MCCC1: variants seen among roughly 807,000 people sequenced by gnomAD.
MCCC1 encodes methylcrotonoyl-CoA carboxylase subunit alpha, mitochondrial.
MCCC1 carries 64 observed loss-of-function variants against 83.8 expected under a neutral mutation model. The ratio of observed to expected loss-of-function variants is 0.76; its 90% confidence interval spans 0.62 to 0.94. MCCC1 has a LOEUF of 0.94. MCCC1 is among the 40% of genes least tolerant of loss of function. The pLI, the probability that MCCC1 is intolerant of heterozygous loss-of-function variation, is 0.00. For missense variants in MCCC1, 807 were observed against 904.7 expected, an observed-to-expected ratio of 0.89 and a Z score of 1.39; for synonymous variants, 322 against 315.4, an observed-to-expected ratio of 1.02 and a Z score of -0.22.
chr3:183,041,479 G>A, intron 11 of MCCC1, 88 bp downstream of exon 11: 2 of 1,379,572 alleles, frequency 1.4e-6, no homozygotes, highest in Non-Finnish European at 2.1e-6. Flanking sequence ...AGACAGTTCT[G>A]TAAGACTCAG....
At chr3:183,108,591 A>G (rs1719443160) in intron 1 of MCCC1, among the ~76,000 whole-genome samples, 1 of 152,244 alleles carries the variant, frequency 6.6e-6, no homozygotes, top group African/African-American at 2.4e-5. Context: ...TACAAGAAAC[A>G]GACATGACTT....
intron 18 of MCCC1, among the ~76,000 whole-genome samples, chr3:183,016,677 T>C (rs1711661692): frequency 6.6e-6 from 1 of 152,206 alleles, no homozygotes; most frequent in Non-Finnish European, 1.5e-5. Context: ...CAATGTAAGC[T>C]GAGGAGCATA....
chr3:183,112,222 A>C (rs1321498542), intron 1 of MCCC1, among the ~76,000 whole-genome samples: 1 of 152,208 alleles, frequency 6.6e-6, no homozygotes, highest in Non-Finnish European at 1.5e-5. Flanking sequence ...TCCCCGTGTC[A>C]ATTAAGATGT....
At chr3:183,103,108 T>C (rs1719345306), upstream of MCCC1, among the ~76,000 whole-genome samples, 1 of 152,034 alleles carries the variant, frequency 6.6e-6, no homozygotes, top group South Asian at 2.1e-4. Context: ...TGTTTGGATG[T>C]GTTCGGAGTT....
At chr3:183,058,396 G>A (rs554001458) in intron 7 of MCCC1, among the ~76,000 whole-genome samples, 55 of 152,212 alleles carry the variant, frequency 3.6e-4, no homozygotes, top group Non-Finnish European at 6.3e-4. Context: ...CAGGAGGACT[G>A]CTTGAACCCA....
intron 8 of MCCC1, among the ~76,000 whole-genome samples, chr3:183,052,474 G>A (rs1312402123): frequency 6.6e-6 from 1 of 152,106 alleles, no homozygotes; most frequent in African/African-American, 2.4e-5. Context: ...TTGTGGTGAG[G>A]CTGGTGTCAA....
At chr3:183,047,561 A>T (rs1482801233) in intron 9 of MCCC1, among the ~76,000 whole-genome samples, 1 of 152,212 alleles carries the variant, frequency 6.6e-6, no homozygotes, top group Non-Finnish European at 1.5e-5. Context: ...TTAACAGGCT[A>T]AGGGCTTTAA....
intron 7 of MCCC1, among the ~76,000 whole-genome samples, chr3:183,058,165 AT>A (rs1370105492): frequency 6.6e-6 from 1 of 152,196 alleles, no homozygotes; most frequent in African/African-American, 2.4e-5. Context: ...CCAATGAAAA[AT>A]TTTTTATGAC....
chr3:183,088,551 C>G (rs1247050538), intron 3 of MCCC1, among the ~76,000 whole-genome samples: 2 of 152,158 alleles, frequency 1.3e-5, no homozygotes, highest in South Asian at 4.2e-4. Flanking sequence ...TATTCTCATT[C>G]TAAAGAAAGT....
At chr3:183,049,205 C>T (rs2108492081) in intron 9 of MCCC1, among the ~76,000 whole-genome samples, 1 of 151,736 alleles carries the variant, frequency 6.6e-6, no homozygotes, top group Middle Eastern at 3.4e-3. Context: ...CAAATTAAAT[C>T]CAAAGTAAGC....
upstream of MCCC1, among the ~76,000 whole-genome samples, chr3:183,101,517 G>C (rs113075335): frequency 5.9e-5 from 9 of 151,588 alleles, no homozygotes; most frequent in African/African-American, 1.7e-4. Context: ...CCTGTGTGTC[G>C]AAACTCTGTA....
intron 14 of MCCC1, chr3:183,029,176 G>A (rs1051058498): frequency 6.6e-5 from 10 of 152,128 alleles, no homozygotes; most frequent in Non-Finnish European, 1.5e-4. Flanking sequence ...TTGATTATCC[G>A]AGGAGACGAA....
At chr3:183,080,805 G>A (rs1186760731) in intron 4 of MCCC1, among the ~76,000 whole-genome samples, 1 of 152,214 alleles carries the variant, frequency 6.6e-6, no homozygotes. Context: ...GAAAGGCAAG[G>A]AGGAGCAAGT....
At position 183,057,303 on chromosome 3, in the gene MCCC1, G is replaced by T; in HGVS notation, c.873+8C>A. On this transcript the variant is annotated splice_region_variant and intron_variant, in intron 8 of 18. Transcript: ENST00000265594. The stretch of plus-strand genomic sequence containing the variant: ...AGAAGCTTACAAATTTCTTTCCAAG[G>T]TCCTTACCGCTGGGGCCTCCTCAAT... 6.3e-7 allele frequency: 1 copy of T among 1,585,044 alleles called. No homozygotes were observed. The highest frequency in any genetic ancestry group is 1.1e-5 in the South Asian group (1 of 87,772).
At chr3:183,049,730 A>C (rs147264876) in intron 9 of MCCC1, among the ~76,000 whole-genome samples, 2 of 152,200 alleles carry the variant, frequency 1.3e-5, no homozygotes, top group African/African-American at 4.8e-5. Context: ...TAATAAAGAA[A>C]TATTATGAAT....
At chr3:183,111,104 GA>G (rs1719486050) in intron 1 of MCCC1, among the ~76,000 whole-genome samples, 1 of 152,142 alleles carries the variant, frequency 6.6e-6, no homozygotes, top group Non-Finnish European at 1.5e-5. Context: ...GTCTCTTTGG[GA>G]AAATTATATA....
upstream of MCCC1, among the ~76,000 whole-genome samples, chr3:183,100,847 G>T (rs2108579856): frequency 6.6e-6 from 1 of 152,338 alleles, no homozygotes; most frequent in African/African-American, 2.4e-5. Flanking sequence ...CCCCTTTCTG[G>T]GCTGGCCAAG....
At chr3:183,072,247 A>G (rs1716751178) in intron 5 of MCCC1, 119 bp downstream of exon 5, 1 of 1,214,996 alleles carries the variant, frequency 8.2e-7, no homozygotes, top group African/African-American at 1.5e-5. Context: ...CCTGGCCTCA[A>G]GCTATCCTCC....
intron 7 of MCCC1, among the ~76,000 whole-genome samples, chr3:183,065,607 G>T (rs1275637775): frequency 6.8e-6 from 1 of 147,524 alleles, no homozygotes; most frequent in African/African-American, 2.5e-5. Context: ...TTTGGTAAAA[G>T]ATTATAAGAA....
Sources: allele counts gnomAD v4.1 joint callset (sites outside exome capture counted in the v4.1 genomes callset), GRCh38; gene constraint gnomAD v4.1.1; transcripts MANE v1.5; gene names NCBI Gene and HGNC (gene_info 2026-07-23, HGNC 2026-07-21).